SETD6: variants seen among roughly 807,000 people sequenced by gnomAD.
The protein encoded by SETD6 is SET domain containing 6, protein lysine methyltransferase.
Under a neutral mutation model 52.7 loss-of-function variants are expected in SETD6, and 67 were observed. That is an observed-to-expected ratio of 1.27 (90% CI 1.04 to 1.56). SETD6 has a LOEUF of 1.56. SETD6 is among the 40% of genes most tolerant of loss of function. The pLI is 0.00. For synonymous variants in SETD6, 307 were observed against 250.2 expected, an observed-to-expected ratio of 1.23 and a Z score of -2.14; for missense variants, 712 against 607.5, an observed-to-expected ratio of 1.17 and a Z score of -1.81.
rs1464856313 is a variant in SETD6 at position 58,522,954 on chromosome 16, T to C, written c.*3925T>C. On this transcript the variant is annotated 3_prime_UTR_variant, in exon 8 of 8. Coordinates refer to ENST00000219315, the MANE Select transcript of SETD6 (RefSeq NM_001160305.4). ...ACACATTATTGGACATGTAAAAGAT[T>C]TTCACTGAAGGCCGGGTGCAGTGGC... The C allele has an allele frequency of 6.5e-6, 1 of 153,662 alleles. No homozygotes were observed. Among genetic ancestry groups the C allele is most frequent in the East Asian group, 1.9e-4 (1 of 5,236 alleles). The allele number at this position is 153,662 out of a possible 1,614,324, so 9.5% of individuals were successfully genotyped here.
chr16:58,515,761 G>C, intron 1 of SETD6, 30 bp from the exon 2 acceptor site: 1 of 1,443,572 alleles, frequency 6.9e-7, no homozygotes, highest in South Asian at 1.4e-5. Context: ...TCTGGGGGTC[G>C]GACCTGGTCA....
chr16:58,521,171 C>CTCA lies in SETD6; in HGVS notation c.*2143_*2144insCAT. ...CTCATTCCTAGACAATTAAAAATTA[C>CTCA]TTTGAACTCACTTTTCGATTTCTGG... is the stretch of plus-strand genomic sequence containing the variant. On this transcript the variant is annotated 3_prime_UTR_variant, in exon 8 of 8. Coordinates refer to ENST00000219315, the MANE Select transcript of SETD6 (RefSeq NM_001160305.4). 1 of 1,612,804 alleles carries CTCA rather than the reference C, an allele frequency of 6.2e-7. No individual in the cohort carries two copies. Among genetic ancestry groups the CTCA allele is most frequent in the Non-Finnish European group, 8.5e-7 (1 of 1,179,674 alleles).
Position 58,519,379 on chromosome 16 carries a change from C to A in SETD6, c.*350C>A, listed in dbSNP as rs2039282827. 9.1e-6 allele frequency: 2 copies of A among 220,854 alleles called. No individual in the cohort carries two copies. The highest frequency in any genetic ancestry group is 4.6e-5 in the African/African-American group (2 of 43,500). 13.7% of individuals were successfully genotyped at this position (220,854 alleles called of 1,614,324 possible). ...GTAGACCCCTGGTTTAAATCTAAGT[C>A]TAGTTTGAGGAAGTCACTTAACCTT... is the stretch of plus-strand genomic sequence containing the variant. On this transcript the variant is annotated 3_prime_UTR_variant, in exon 8 of 8. Coordinates refer to ENST00000219315, the MANE Select transcript of SETD6 (RefSeq NM_001160305.4).
rs56149974 is a variant in SETD6, at chr16:58,522,237, CAAAAAAAAAAAAAAA to C, written c.*3224_*3238del. On this transcript the variant is annotated 3_prime_UTR_variant, in exon 8 of 8. Transcript: ENST00000219315. The stretch of plus-strand genomic sequence containing the variant: ...AGGAGGCGACAAAGCGAGACTGTCT[CAAAAAAAAAAAAAAA>C]AAAAAAAAAAAAAAAGCTAACATTG... Among the ~76,000 whole-genome samples the C allele has an allele frequency of 8.0e-3, 784 of 98,614 alleles. 9 individuals are homozygous for C. Among genetic ancestry groups the C allele is most frequent in the African/African-American group, 0.029 (677 of 23,662 alleles). The allele number at this position is 98,614 out of a possible 152,430, so 64.7% of individuals were successfully genotyped here.
At position 58,518,893 on chromosome 16, in the gene SETD6, C is replaced by T. The variant is rs751382935; in HGVS notation, c.1286C>T (p.Thr429Ile). Residue 429 changes from threonine (T) to isoleucine (I), a missense_variant, in exon 8 of 8, where the codon ACA becomes ATA. Thr to Ile is a moderately conservative substitution (Grantham distance 89). Transcript: ENST00000219315. ...SVLLTLQTYATDLKTDQGLLS... is the reference protein window; with the variant it reads ...SVLLTLQTYAIDLKTDQGLLS... ...CTACTGACTTTGCAGACCTATGCCA[C>T]AGACTTAAAAACTGACCAAGGTTTA... 6.2e-7 allele frequency: 1 copy of T among 1,614,164 alleles called. No individual in the cohort carries two copies. Among genetic ancestry groups the T allele is most frequent in the Non-Finnish European group, 8.5e-7 (1 of 1,180,040 alleles).
chr16:58,518,615 G>T, intron 7 of SETD6, 72 bp downstream of exon 7: 1 of 1,432,496 alleles, frequency 7.0e-7, no homozygotes. Context: ...GAAGATGAGA[G>T]AGGAAATGTG....
In SETD6 at chr16:58,523,623, C is replaced by T; in HGVS notation, c.*4594C>T. The T allele has an allele frequency of 1.1e-6, 1 of 878,154 alleles. No homozygotes were observed. The highest frequency in any genetic ancestry group is 2.5e-5 in the East Asian group (1 of 39,860). 54.4% of individuals were successfully genotyped at this position (878,154 alleles called of 1,614,324 possible). ...TTTCAAATTAATCTTTGGTTTAAAGCAGTGGTTCTTGGGACCCCAAAGAGT... is the reference window on the plus strand; with the variant it reads ...TTTCAAATTAATCTTTGGTTTAAAGTAGTGGTTCTTGGGACCCCAAAGAGT... On this transcript the variant is annotated 3_prime_UTR_variant, in exon 8 of 8. Coordinates refer to ENST00000219315, the MANE Select transcript of SETD6 (RefSeq NM_001160305.4).
intron 7 of SETD6, 30 bp from the exon 8 acceptor site, chr16:58,518,694 C>T (rs1484875100): frequency 1.9e-6 from 3 of 1,603,922 alleles, no homozygotes; most frequent in Non-Finnish European, 2.5e-6. Context: ...AGCAGTACAT[C>T]TAATTAAAGA....
rs981669253 is a variant in SETD6 at position 58,521,695 on chromosome 16, G to T, written c.*2666G>T. On this transcript the variant is annotated 3_prime_UTR_variant, in exon 8 of 8. Coordinates refer to ENST00000219315, the MANE Select transcript of SETD6 (RefSeq NM_001160305.4). Reference sequence around the variant, plus strand: ...AGGCCGGGCACAGTGGCTCATGCCTGTAATCCAGCACTTTGGGAGGCCGAG... The same window carrying T: ...AGGCCGGGCACAGTGGCTCATGCCTTTAATCCAGCACTTTGGGAGGCCGAG... 6.6e-6 allele frequency among the ~76,000 whole-genome samples: 1 copy of T among 152,210 alleles called. No individual in the cohort carries two copies. The highest frequency in any genetic ancestry group is 1.5e-5 in the Non-Finnish European group (1 of 68,040).
rs577884648 is a variant in SETD6, at chr16:58,519,352, A to C, written c.*323A>C. On this transcript the variant is annotated 3_prime_UTR_variant, in exon 8 of 8. Transcript: ENST00000219315. ...TTCAGCATTTAATAATAGACTTTGGAGGTAGACCCCTGGTTTAAATCTAAG... is the reference window on the plus strand; with the variant it reads ...TTCAGCATTTAATAATAGACTTTGGCGGTAGACCCCTGGTTTAAATCTAAG... 6.8e-4 allele frequency: 164 copies of C among 240,388 alleles called. No individual in the cohort carries two copies. Among genetic ancestry groups the C allele is most frequent in the African/African-American group, 3.4e-3 (152 of 44,412 alleles). The allele number at this position is 240,388 out of a possible 1,614,324, so 14.9% of individuals were successfully genotyped here. A position where few individuals can be genotyped will look rare whatever the true frequency, so the allele number is the denominator to read the frequency against.
intron 4 of SETD6, 66 bp from the exon 5 acceptor site, chr16:58,516,742 A>G: frequency 1.2e-6 from 2 of 1,609,938 alleles, no homozygotes; most frequent in South Asian, 1.1e-5. Context: ...AAAGTGGAAA[A>G]ACAGTGAAAT....
In SETD6 at chr16:58,521,674, C is replaced by T. The variant is rs558424422; in HGVS notation, c.*2645C>T. Among the ~76,000 whole-genome samples, 17 of 152,228 alleles carry T rather than the reference C, an allele frequency of 1.1e-4. No individual in the cohort carries two copies. Among genetic ancestry groups the T allele is most frequent in the South Asian group, 2.1e-4 (1 of 4,816 alleles). ...TAATTTCCAGAATGAGCTCCCAGGC[C>T]GGGCACAGTGGCTCATGCCTGTAAT... On this transcript the variant is annotated 3_prime_UTR_variant, in exon 8 of 8. Coordinates refer to ENST00000219315, the MANE Select transcript of SETD6 (RefSeq NM_001160305.4).
At position 58,516,798 on chromosome 16, in the gene SETD6, T is replaced by G; in HGVS notation, c.672-10T>G. 6.2e-7 allele frequency: 1 copy of G among 1,614,160 alleles called. No individual in the cohort carries two copies. On this transcript the variant is annotated splice_polypyrimidine_tract_variant and intron_variant, in intron 4 of 7. Coordinates refer to ENST00000219315, the MANE Select transcript of SETD6 (RefSeq NM_001160305.4). ...AAGACAGGGCCTTAGCCAGGTTCTG[T>G]CAATGGCAGCTTTCAGGAACCACTG...
chr16:58,523,252 CAA>C lies in SETD6; in HGVS notation c.*4232_*4233del. Reference sequence around the variant, plus strand: ...AGAGCAACACTCCGTCTCAAAAAAACAAAAAAAAAACCAACCAAACGGATTTT... The same window carrying C: ...AGAGCAACACTCCGTCTCAAAAAAACAAAAAAAACCAACCAAACGGATTTT... On this transcript the variant is annotated 3_prime_UTR_variant, in exon 8 of 8. Transcript: ENST00000219315. 6 of 1,028,140 alleles carry C rather than the reference CAA, an allele frequency of 5.8e-6. No homozygotes were observed. The highest frequency in any genetic ancestry group is 7.9e-6 in the Non-Finnish European group (6 of 761,066). The allele number at this position is 1,028,140 out of a possible 1,614,324, so 63.7% of individuals were successfully genotyped here. A position where few individuals can be genotyped will look rare whatever the true frequency, so the allele number is the denominator to read the frequency against.
Position 58,523,427 on chromosome 16 carries a change from G to C in SETD6, c.*4398G>C, listed in dbSNP as rs2039478032. 2 of 1,614,100 alleles carry C rather than the reference G, an allele frequency of 1.2e-6. No individual in the cohort carries two copies. Among genetic ancestry groups the C allele is most frequent in the Non-Finnish European group, 1.7e-6 (2 of 1,179,964 alleles). On this transcript the variant is annotated 3_prime_UTR_variant, in exon 8 of 8. Transcript: ENST00000219315. The stretch of plus-strand genomic sequence containing the variant: ...GGCCTCTGCAAAAAGGTACAGCATG[G>C]TGCAACTGAAGTAGTGAGTGTGGCT...
intron 5 of SETD6, chr16:58,517,143 C>CTT: frequency 1.6e-6 from 1 of 644,548 alleles, no homozygotes; most frequent in South Asian, 1.8e-5. Context: ...ACTATACTAC[C>CTT]ATCATTTATT....
chr16:58,516,136 G>GGGCGA, intron 2 of SETD6, 39 bp downstream of exon 2: 1 of 1,237,320 alleles, frequency 8.1e-7, no homozygotes, highest in Non-Finnish European at 1.0e-6. Flanking sequence ...GGGCGGGGCG[G>GGGCGA]GGCGGGGCGG....
In SETD6 at chr16:58,522,433, T is replaced by C. The variant is rs984637938; in HGVS notation, c.*3404T>C. On this transcript the variant is annotated 3_prime_UTR_variant, in exon 8 of 8. Coordinates refer to ENST00000219315, the MANE Select transcript of SETD6 (RefSeq NM_001160305.4). ...TTTATATAAACAAAATGGATCATCATCATCTAAGCATCCAATAAGATATTA... is the reference window on the plus strand; with the variant it reads ...TTTATATAAACAAAATGGATCATCACCATCTAAGCATCCAATAAGATATTA... 2.0e-5 allele frequency among the ~76,000 whole-genome samples: 3 copies of C among 152,118 alleles called. No individual in the cohort carries two copies. The East Asian group carries it at 5.8e-4, about 29-fold the overall frequency.
In SETD6 at chr16:58,516,676, A is replaced by C; in HGVS notation, c.671+4A>C. 1 of 1,612,662 alleles carries C rather than the reference A, an allele frequency of 6.2e-7. No individual in the cohort carries two copies. Among genetic ancestry groups the C allele is most frequent in the Admixed American group, 1.7e-5 (1 of 59,872 alleles). On this transcript the variant is annotated splice_donor_region_variant and intron_variant, in intron 4 of 7. Transcript: ENST00000219315. ...TGGCCCTTGTGATGGCCTATAGGTC[A>C]GTGGGTGGGGCCTCTGAGGACGGAA...
Sources: allele counts gnomAD v4.1 joint callset (sites outside exome capture counted in the v4.1 genomes callset), GRCh38; gene constraint gnomAD v4.1.1; transcripts MANE v1.5; gene names NCBI Gene and HGNC (gene_info 2026-07-23, HGNC 2026-07-21).